COL25A1: variants seen among roughly 807,000 people sequenced by gnomAD.
The protein encoded by COL25A1 is collagen type XXV alpha 1 chain.
In COL25A1, 103 loss-of-function variants were observed where a neutral mutation model predicts 128.4. The ratio of observed to expected loss-of-function variants is 0.80; its 90% confidence interval spans 0.68 to 0.94. The LOEUF (loss-of-function observed/expected upper bound fraction) is 0.94, where lower values mean the gene tolerates loss of function less well. COL25A1 is among the 40% of genes least tolerant of loss of function. The pLI is 0.00. For synonymous variants in COL25A1, 279 were observed against 277.2 expected (o/e 1.01, Z -0.06); for missense variants, 745 against 840.0 (o/e 0.89, Z 1.40).
intron 3 of COL25A1, among the ~76,000 whole-genome samples, chr4:109,289,771 G>A (rs1724280103): frequency 6.6e-6 from 1 of 152,048 alleles, no homozygotes; most frequent in Non-Finnish European, 1.5e-5. Flanking sequence ...TGTTTTTGTA[G>A]TTTCATAGCT....
chr4:108,905,437 G>T (rs1578720759), intron 13 of COL25A1, among the ~76,000 whole-genome samples: 1 of 151,634 alleles, frequency 6.6e-6, no homozygotes, highest in African/African-American at 2.4e-5. Context: ...AGTGGGTGCA[G>T]CACACCAGCA....
chr4:109,215,607 T>C (rs1777921786), intron 3 of COL25A1, among the ~76,000 whole-genome samples: 1 of 152,166 alleles, frequency 6.6e-6, no homozygotes, highest in Admixed American at 6.5e-5. Context: ...AGGAAAGATG[T>C]AAGTAAAGTC....
intron 5 of COL25A1, among the ~76,000 whole-genome samples, chr4:109,012,399 A>G (rs1254597972): frequency 1.7e-5 from 2 of 118,576 alleles, no homozygotes; most frequent in East Asian, 6.0e-4. Context: ...TCAGCCCGCC[A>G]CTGCACTGTG....
At chr4:109,193,237 T>C (rs1459575874) in intron 3 of COL25A1, among the ~76,000 whole-genome samples, 2 of 151,628 alleles carry the variant, frequency 1.3e-5, no homozygotes, top group Admixed American at 1.3e-4. Flanking sequence ...GGAAATGTCA[T>C]AAACAGTAGC....
At chr4:108,916,938 C>T (rs1008728652) in intron 13 of COL25A1, among the ~76,000 whole-genome samples, 1 of 152,158 alleles carries the variant, frequency 6.6e-6, no homozygotes, top group Admixed American at 6.6e-5. Flanking sequence ...TCTGGGAACA[C>T]AGAGCCTCTT....
chr4:109,113,871 T>G (rs1467621803), intron 3 of COL25A1, among the ~76,000 whole-genome samples: 1 of 152,102 alleles, frequency 6.6e-6, no homozygotes, highest in Non-Finnish European at 1.5e-5. Flanking sequence ...AGATATGAAA[T>G]TAACTAAGTA....
chr4:109,178,524 C>CCTGAA (rs1328560129), intron 3 of COL25A1, among the ~76,000 whole-genome samples: 1 of 152,070 alleles, frequency 6.6e-6, no homozygotes, highest in East Asian at 1.9e-4. Context: ...TCAGTTTTCT[C>CCTGAA]ATCTAAAAAA....
chr4:108,922,126 C>A (rs1745559061), intron 11 of COL25A1, among the ~76,000 whole-genome samples: 1 of 152,164 alleles, frequency 6.6e-6, no homozygotes, highest in African/African-American at 2.4e-5. Flanking sequence ...GTATCAGAGG[C>A]TCCACTTCTT....
At chr4:109,072,923 C>T (rs534729920) in intron 3 of COL25A1, among the ~76,000 whole-genome samples, 13 of 152,308 alleles carry the variant, frequency 8.5e-5, no homozygotes, top group African/African-American at 3.1e-4. Flanking sequence ...GTTGCCCTGA[C>T]TCTGCAGCAC....
intron 5 of COL25A1, among the ~76,000 whole-genome samples, chr4:109,044,095 G>C (rs1162818254): frequency 2.1e-5 from 2 of 94,488 alleles, no homozygotes; most frequent in Non-Finnish European, 4.1e-5. Context: ...GATAGTGTGT[G>C]TGTGTGTGTG....
chr4:109,132,797 T>G (rs546419803), intron 3 of COL25A1, among the ~76,000 whole-genome samples: 177 of 152,254 alleles, frequency 1.2e-3, no homozygotes, highest in Non-Finnish European at 2.2e-3. Context: ...ATAATACAAT[T>G]CTGTAAACCT....
At chr4:108,970,601 CAATAT>C (rs1465973754) in intron 8 of COL25A1, among the ~76,000 whole-genome samples, 1 of 152,098 alleles carries the variant, frequency 6.6e-6, no homozygotes, top group Non-Finnish European at 1.5e-5. Flanking sequence ...TTCAAGAATA[CAATAT>C]ATTGTTATTA....
At chr4:109,185,101 GA>G (rs943196159) in intron 3 of COL25A1, among the ~76,000 whole-genome samples, 2 of 152,082 alleles carry the variant, frequency 1.3e-5, no homozygotes, top group Non-Finnish European at 2.9e-5. Flanking sequence ...AGGCATTTTT[GA>G]AGGCTTAAAA....
chr4:108,927,238 T>G (rs1199421214), intron 11 of COL25A1, among the ~76,000 whole-genome samples: 2 of 152,178 alleles, frequency 1.3e-5, no homozygotes, highest in Non-Finnish European at 2.9e-5. Context: ...TCCTTTGTGT[T>G]TCTTTAGCAC....
At position 108,895,446 on chromosome 4, in the gene COL25A1, A is replaced by T. The variant is rs80240300; in HGVS notation, c.906+1221T>A. ...ACACATAGCACAAGTGAAGTATAAC[A>T]TCCTTCCTCTGTCAGAGGTATCTAT... is the stretch of plus-strand genomic sequence containing the variant. On this transcript the variant is annotated intron_variant, in intron 16 of 37. Coordinates refer to ENST00000399132, the MANE Select transcript of COL25A1 (RefSeq NM_198721.4). Among the ~76,000 whole-genome samples the T allele has an allele frequency of 2.6e-3, 391 of 152,268 alleles. 3 individuals are homozygous for T. The highest frequency in any genetic ancestry group is 9.0e-3 in the African/African-American group (376 of 41,564).
chr4:108,822,945 T>C (rs1469123398), intron 35 of COL25A1, among the ~76,000 whole-genome samples: 2 of 152,168 alleles, frequency 1.3e-5, no homozygotes, highest in African/African-American at 4.8e-5. Context: ...GGAAAGCACA[T>C]AATGCTCAGT....
At position 108,889,743 on chromosome 4, in the gene COL25A1, AACC is replaced by A. The variant is rs1319578192; in HGVS notation, c.907-13_907-11del. ...ATGATCCAGGGTCACCCTAAAACGA[AACC>A]CAGGAGAGATTATCTCACAAGTTAT... On this transcript the variant is annotated splice_polypyrimidine_tract_variant and intron_variant, in intron 16 of 37. Transcript: ENST00000399132. 6.2e-7 allele frequency: 1 copy of A among 1,612,480 alleles called. No homozygotes were observed.
rs1578701067 is a variant in COL25A1, at chr4:108,899,186, C to T, written c.835-6G>A. 1.9e-6 allele frequency: 3 copies of T among 1,607,738 alleles called. No individual in the cohort carries two copies. The highest frequency in any genetic ancestry group is 4.5e-5 in the East Asian group (2 of 44,708). On this transcript the variant is annotated splice_region_variant and splice_polypyrimidine_tract_variant and intron_variant, in intron 14 of 37. Transcript: ENST00000399132. ...CCTTGTTCTCCAGGTTCTCCCTGAGCAAAAAGACAGAGATTGGGTGACATC... is the reference window on the plus strand; with the variant it reads ...CCTTGTTCTCCAGGTTCTCCCTGAGTAAAAAGACAGAGATTGGGTGACATC...
chr4:109,248,980 C>A (rs1215864607), intron 3 of COL25A1, among the ~76,000 whole-genome samples: 1 of 152,184 alleles, frequency 6.6e-6, no homozygotes, highest in East Asian at 1.9e-4. Context: ...ACTTATTCAG[C>A]ATATACTTAA....
Sources: allele counts gnomAD v4.1 joint callset (sites outside exome capture counted in the v4.1 genomes callset), GRCh38; gene constraint gnomAD v4.1.1; transcripts MANE v1.5; gene names NCBI Gene and HGNC (gene_info 2026-07-23, HGNC 2026-07-21).